Variants in PTPRN2 observed in about 807,000 individuals in gnomAD.
PTPRN2 encodes protein tyrosine phosphatase receptor type N2.
PTPRN2 carries 74 observed loss-of-function variants against 118.8 expected under a neutral mutation model. The observed-to-expected ratio is 0.62, with a 90% confidence interval of 0.52 to 0.76. PTPRN2 has a LOEUF of 0.76. Ranked by LOEUF, PTPRN2 falls within the 30% of genes least tolerant of loss-of-function variation. The probability of loss-of-function intolerance (pLI) is 0.00; values close to 1 mark genes in which losing one functional copy is unlikely to be tolerated. For synonymous variants in PTPRN2, 641 were observed against 608.0 expected (o/e 1.05, Z -0.80); for missense variants, 1,481 against 1,394.4 (o/e 1.06, Z -0.99).
At chr7:157,657,517 C>G (rs1585188080) in intron 13 of PTPRN2, among the ~76,000 whole-genome samples, 1 of 38,624 alleles carries the variant, frequency 2.6e-5, no homozygotes, top group Non-Finnish European at 5.8e-5. Context: ...ATACACCACA[C>G]AAACCACACA....
chr7:158,321,737 T>C (rs1050510985), intron 2 of PTPRN2, among the ~76,000 whole-genome samples: 1 of 152,186 alleles, frequency 6.6e-6, no homozygotes, highest in Non-Finnish European at 1.5e-5. Context: ...AACTGTGGGC[T>C]CCCTGTCCAC....
At chr7:157,897,964 G>C (rs1038958461) in intron 12 of PTPRN2, among the ~76,000 whole-genome samples, 4 of 152,284 alleles carry the variant, frequency 2.6e-5, no homozygotes, top group African/African-American at 9.6e-5. Flanking sequence ...CTCAGAGGAG[G>C]CGCGTCCGCG....
In PTPRN2 at chr7:158,188,591, C is replaced by G. The variant is rs1417464853; in HGVS notation, c.549+3736G>C. Among the ~76,000 whole-genome samples, 16 of 123,442 alleles carry G rather than the reference C, an allele frequency of 1.3e-4. 1 individual carries two copies. The highest frequency in any genetic ancestry group is 3.6e-4 in the African/African-American group (11 of 30,396). The allele number at this position is 123,442 out of a possible 152,430, so 81.0% of individuals were successfully genotyped here. ...TATGGGGAAGGCCGCCACGCTCGCC[C>G]CCTGATGGGGAAGCCCGCCACGCTC... On this transcript the variant is annotated intron_variant, in intron 5 of 22. Transcript: ENST00000389418.
intron 2 of PTPRN2, among the ~76,000 whole-genome samples, chr7:158,413,598 GC>G (rs1444336764): frequency 6.6e-5 from 10 of 152,364 alleles, no homozygotes; most frequent in African/African-American, 2.4e-4. Context: ...GAACGGGAAA[GC>G]CCCGTGTGGG....
chr7:158,193,615 G>C (rs751311630), intron 4 of PTPRN2, among the ~76,000 whole-genome samples: 7 of 152,088 alleles, frequency 4.6e-5, no homozygotes, highest in Non-Finnish European at 7.4e-5. Flanking sequence ...CCACGGGGCA[G>C]CGTCTCAGCC....
intron 11 of PTPRN2, among the ~76,000 whole-genome samples, chr7:157,913,817 TGAGTTTTG>T (rs1233044946): frequency 2.0e-5 from 3 of 152,242 alleles, no homozygotes; most frequent in Non-Finnish European, 4.4e-5. Context: ...CTGTAATTAC[TGAGTTTTG>T]GTATCAAGTT....
At chr7:158,495,228 G>A (rs770997687) in intron 1 of PTPRN2, among the ~76,000 whole-genome samples, 4 of 152,168 alleles carry the variant, frequency 2.6e-5, no homozygotes, top group Non-Finnish European at 5.9e-5. Context: ...TAGGGCTTAC[G>A]ACAGCCTGAG....
chr7:157,817,475 C>T (rs924650202), intron 12 of PTPRN2, among the ~76,000 whole-genome samples: 7 of 152,152 alleles, frequency 4.6e-5, no homozygotes, highest in Non-Finnish European at 1.0e-4. Flanking sequence ...GTGCCACTGC[C>T]GGAGCCACCC....
rs1451631882 is a variant in PTPRN2 at position 157,603,219 on chromosome 7, T to C, written c.2418+783A>G. Among the ~76,000 whole-genome samples, 1 of 145,106 alleles carries C rather than the reference T, an allele frequency of 6.9e-6. No homozygotes were observed. The highest frequency in any genetic ancestry group is 2.6e-5 in the African/African-American group (1 of 38,768). On this transcript the variant is annotated intron_variant, in intron 16 of 22. Transcript: ENST00000389418. This position sits in a 1 kb window ranked among gnomAD's most constrained non-coding sequence, Gnocchi z 5.4. ...TGTCCCCAGCCTGTGGCTTCAGCCC[T>C]CTCCATGCTCATATCTCTCCCTCCT...
intron 6 of PTPRN2, among the ~76,000 whole-genome samples, chr7:158,165,984 T>G (rs1822933271): frequency 6.6e-6 from 1 of 151,988 alleles, no homozygotes; most frequent in Admixed American, 6.6e-5. Flanking sequence ...CAAACCGCCA[T>G]AAATATGGGC....
At chr7:157,574,536 G>GAT in intron 19 of PTPRN2, 1 of 293,420 alleles carries the variant, frequency 3.4e-6, no homozygotes, top group South Asian at 3.4e-5. Flanking sequence ...GAGAGAGAGA[G>GAT]TTTTTAAAGC....
intron 3 of PTPRN2, among the ~76,000 whole-genome samples, chr7:158,286,530 C>T (rs1185600082): frequency 1.3e-5 from 2 of 152,154 alleles, no homozygotes; most frequent in African/African-American, 4.8e-5. Context: ...ATCCCTTCTA[C>T]AGTATATCTA....
intron 13 of PTPRN2, among the ~76,000 whole-genome samples, chr7:157,681,185 T>G (rs1796899443): frequency 6.6e-6 from 1 of 152,186 alleles, no homozygotes. Context: ...TCAAAGTATA[T>G]CAAAGGGCGC....
At chr7:158,340,489 G>T (rs1350201796) in intron 2 of PTPRN2, among the ~76,000 whole-genome samples, 2 of 102,250 alleles carry the variant, frequency 2.0e-5, no homozygotes, top group South Asian at 8.2e-4. Flanking sequence ...ACCATAATAG[G>T]TGACACCTGC....
chr7:158,280,023 A>AGCCCCGCGGCGGCCCCCAC (rs1449661402), intron 3 of PTPRN2, among the ~76,000 whole-genome samples: 1 of 150,930 alleles, frequency 6.6e-6, no homozygotes, highest in Admixed American at 6.6e-5. Context: ...GAACCCACAG[A>AGCCCCGCGGCGGCCCCCAC]GCCCCGCGGC....
chr7:158,262,580 GCA>G (rs780407529), intron 3 of PTPRN2, among the ~76,000 whole-genome samples: 9 of 110,222 alleles, frequency 8.2e-5, no homozygotes, highest in South Asian at 6.2e-4. Flanking sequence ...TTCACACACA[GCA>G]CACACATTCA....
At chr7:157,836,042 G>T (rs181176330) in intron 12 of PTPRN2, among the ~76,000 whole-genome samples, 2 of 152,308 alleles carry the variant, frequency 1.3e-5, no homozygotes, top group Admixed American at 1.3e-4. Context: ...AAGAGTACTC[G>T]TGAGTCTATT....
chr7:157,762,753 AAAAAG>A (rs1802215315), intron 12 of PTPRN2, among the ~76,000 whole-genome samples: 1 of 152,100 alleles, frequency 6.6e-6, no homozygotes, highest in East Asian at 1.9e-4. Flanking sequence ...ATAATAAAAA[AAAAAG>A]AGAAAAAAGA....
In PTPRN2 at chr7:158,015,693, C is replaced by T. The variant is rs958368555; in HGVS notation, c.1723+65605G>A. ...GCAGAGAACGTACGAGGTCTTTCTTCCTATTTTCTGCAATTAAGCAACCAG... is the reference window on the plus strand; with the variant it reads ...GCAGAGAACGTACGAGGTCTTTCTTTCTATTTTCTGCAATTAAGCAACCAG... On this transcript the variant is annotated intron_variant, in intron 11 of 22. Coordinates refer to ENST00000389418, the MANE Select transcript of PTPRN2 (RefSeq NM_002847.5). The surrounding 1 kb of genome is among the most constrained non-coding windows in gnomAD (Gnocchi z 4.2). Among the ~76,000 whole-genome samples the T allele has an allele frequency of 6.6e-6, 1 of 152,190 alleles. No homozygotes were observed. The highest frequency in any genetic ancestry group is 2.4e-5 in the African/African-American group (1 of 41,442).
Sources: gnomAD v4.1 joint callset for allele counts (sites outside exome capture counted in the v4.1 genomes callset) on GRCh38, gnomAD v4.1.1 for gene constraint, Gnocchi (gnomAD v3.1) non-coding constraint, MANE v1.5 for transcripts, NCBI Gene and HGNC (gene_info 2026-07-23, HGNC 2026-07-21) for gene names.